CNTNAP2: variants seen among roughly 807,000 people sequenced by gnomAD.
CNTNAP2 encodes contactin associated protein 2, also known as contactin-associated protein-like 2.
In CNTNAP2, 98 loss-of-function variants were observed where a neutral mutation model predicts 155.2. That is an observed-to-expected ratio of 0.63 (90% confidence interval 0.54 to 0.75). CNTNAP2 has a LOEUF of 0.75. CNTNAP2 is among the 30% of genes least tolerant of loss of function. The pLI is 0.00. For synonymous variants in CNTNAP2, 651 were observed against 631.2 expected, an observed-to-expected ratio of 1.03 and a Z score of -0.47; for missense variants, 1,727 against 1,688.1, an observed-to-expected ratio of 1.02 and a Z score of -0.40.
chr7:147,792,899 C>T (rs993666851), intron 13 of CNTNAP2, among the ~76,000 whole-genome samples: 2 of 152,068 alleles, frequency 1.3e-5, no homozygotes, highest in Non-Finnish European at 2.9e-5. Context: ...CCATCCTACT[C>T]CAGGTGAAGT....
chr7:146,426,438 T>C (rs1478355752), intron 1 of CNTNAP2, among the ~76,000 whole-genome samples: 1 of 150,034 alleles, frequency 6.7e-6, no homozygotes, highest in Non-Finnish European at 1.5e-5. Flanking sequence ...CACACATTTA[T>C]ACACACATAT....
At chr7:146,692,344 A>G (rs1800712413) in intron 1 of CNTNAP2, among the ~76,000 whole-genome samples, 1 of 152,154 alleles carries the variant, frequency 6.6e-6, no homozygotes, top group Non-Finnish European at 1.5e-5. Context: ...TTATACCAGT[A>G]AAGGCCAACT....
intron 13 of CNTNAP2, among the ~76,000 whole-genome samples, chr7:147,699,448 C>G (rs903498969): frequency 2.0e-5 from 3 of 151,436 alleles, no homozygotes; most frequent in African/African-American, 4.9e-5. Context: ...CGGGGCCTGT[C>G]GTGGGGTGGG....
chr7:147,594,821 T>C (rs1275898535), intron 12 of CNTNAP2, among the ~76,000 whole-genome samples: 1 of 152,070 alleles, frequency 6.6e-6, no homozygotes, highest in African/African-American at 2.4e-5. Flanking sequence ...AGAAGCAATA[T>C]GGTAAAAAGA....
chr7:146,193,058 G>T (rs1166635883), intron 1 of CNTNAP2, among the ~76,000 whole-genome samples: 1 of 152,180 alleles, frequency 6.6e-6, no homozygotes, highest in Non-Finnish European at 1.5e-5. Flanking sequence ...TCACATCCAG[G>T]ACATGCTGAT....
intron 1 of CNTNAP2, among the ~76,000 whole-genome samples, chr7:146,735,613 T>C (rs886744757): frequency 6.9e-6 from 1 of 145,124 alleles, no homozygotes; most frequent in Admixed American, 6.7e-5. Flanking sequence ...TATTTAAATA[T>C]ACATTGTGGC....
intron 1 of CNTNAP2, among the ~76,000 whole-genome samples, chr7:146,366,902 G>A (rs1447771134): frequency 6.6e-6 from 1 of 152,030 alleles, no homozygotes; most frequent in Non-Finnish European, 1.5e-5. Flanking sequence ...TCCATCTTTA[G>A]ACAGACCTCA....
intron 13 of CNTNAP2, among the ~76,000 whole-genome samples, chr7:147,840,200 C>T (rs1284718759): frequency 6.6e-6 from 1 of 152,066 alleles, no homozygotes; most frequent in Non-Finnish European, 1.5e-5. Context: ...GAGAAATTAT[C>T]TAATGGGTAC....
chr7:147,660,458 T>G (rs1464700512), intron 13 of CNTNAP2, among the ~76,000 whole-genome samples: 3 of 152,224 alleles, frequency 2.0e-5, no homozygotes, highest in Non-Finnish European at 4.4e-5. Flanking sequence ...TTGTCTCGCT[T>G]TAAATTCTTC....
chr7:146,813,493 C>T (rs1428354187), intron 2 of CNTNAP2, among the ~76,000 whole-genome samples: 1 of 152,174 alleles, frequency 6.6e-6, no homozygotes, highest in Non-Finnish European at 1.5e-5. Flanking sequence ...GCCAATTTCT[C>T]TCCCACTTGG....
chr7:147,268,610 G>A (rs1004538475), intron 8 of CNTNAP2, among the ~76,000 whole-genome samples: 4 of 152,086 alleles, frequency 2.6e-5, no homozygotes, highest in African/African-American at 9.7e-5. Context: ...GTATACCTAT[G>A]TAACAAAGCT....
At chr7:146,724,938 C>T (rs1184569558) in intron 1 of CNTNAP2, among the ~76,000 whole-genome samples, 1 of 152,090 alleles carries the variant, frequency 6.6e-6, no homozygotes, top group Non-Finnish European at 1.5e-5. Context: ...CAGATTGGGT[C>T]ACTTAAAACA....
In CNTNAP2 at chr7:146,346,488, C is replaced by T. The variant is rs568807607; in HGVS notation, c.97+229515C>T. ...TTTGAGGTCAGGAGTTCAAAATCAG[C>T]CTGACCAGCATGGTGAAACCCTGTC... On this transcript the variant is annotated intron_variant, in intron 1 of 23. Coordinates refer to ENST00000361727, the MANE Select transcript of CNTNAP2 (RefSeq NM_014141.6). 3.9e-5 allele frequency among the ~76,000 whole-genome samples: 6 copies of T among 152,242 alleles called. No individual in the cohort carries two copies. In the East Asian group the frequency reaches 9.7e-4, roughly 25 times the overall value.
chr7:148,172,614 G>C, intron 18 of CNTNAP2, 136 bp downstream of exon 18: 1 of 867,662 alleles, frequency 1.2e-6, no homozygotes, highest in Admixed American at 1.8e-5. Flanking sequence ...TCTCAACTTA[G>C]GTAGGAATTT....
At chr7:147,123,916 T>C (rs1801172102) in intron 6 of CNTNAP2, among the ~76,000 whole-genome samples, 4 of 152,032 alleles carry the variant, frequency 2.6e-5, no homozygotes, top group Admixed American at 2.0e-4. Flanking sequence ...GTGGCAGGCA[T>C]CTGTAATCCC....
chr7:146,760,251 A>G (rs1802068550), intron 1 of CNTNAP2, among the ~76,000 whole-genome samples: 2 of 152,052 alleles, frequency 1.3e-5, no homozygotes, highest in Admixed American at 1.3e-4. Flanking sequence ...AGTCACCCAC[A>G]TAAGAAATCA....
At chr7:147,009,899 T>C (rs1248201363) in intron 3 of CNTNAP2, among the ~76,000 whole-genome samples, 3 of 152,122 alleles carry the variant, frequency 2.0e-5, no homozygotes, top group Non-Finnish European at 4.4e-5. Context: ...TGAAAATACA[T>C]ACTGATGTAA....
chr7:146,967,561 C>T (rs1797682999), intron 3 of CNTNAP2, among the ~76,000 whole-genome samples: 1 of 152,168 alleles, frequency 6.6e-6, no homozygotes, highest in Non-Finnish European at 1.5e-5. Flanking sequence ...ATTTTATTCT[C>T]TTTGAAGCAA....
chr7:147,637,720 G>A (rs767335260), intron 12 of CNTNAP2, among the ~76,000 whole-genome samples: 1 of 152,070 alleles, frequency 6.6e-6, no homozygotes, highest in Non-Finnish European at 1.5e-5. Flanking sequence ...CTATAGACTT[G>A]GTCAAATTCA....
Sources: allele counts gnomAD v4.1 joint callset (sites outside exome capture counted in the v4.1 genomes callset), GRCh38; gene constraint gnomAD v4.1.1; transcripts MANE v1.5; gene names NCBI Gene and HGNC (gene_info 2026-07-23, HGNC 2026-07-21).